The following ROBO2 variants were observed in gnomAD, a reference collection of about 807,000 sequenced individuals.
ROBO2 encodes roundabout guidance receptor 2, also known as roundabout homolog 2.
ROBO2 carries 53 observed loss-of-function variants against 160.8 expected under a neutral mutation model. The ratio of observed to expected loss-of-function variants is 0.33; its 90% CI spans 0.26 to 0.41. The LOEUF is 0.41. ROBO2 is among the 10% of genes least tolerant of loss of function. The pLI, the probability that ROBO2 is intolerant of heterozygous loss-of-function variation, is 1.00. For synonymous variants in ROBO2, 664 were observed against 611.7 expected, an observed-to-expected ratio of 1.09 and a Z score of -1.26; for missense variants, 1,577 against 1,722.4, an observed-to-expected ratio of 0.92 and a Z score of 1.49.
intron 2 of ROBO2, among the ~76,000 whole-genome samples, chr3:75,954,638 T>C (rs1173770391): frequency 6.6e-6 from 1 of 151,878 alleles, no homozygotes; most frequent in African/African-American, 2.4e-5. Flanking sequence ...CACAGTCTTA[T>C]AAGAAAAATA....
intron 2 of ROBO2, among the ~76,000 whole-genome samples, chr3:76,692,815 T>G (rs1442330722): frequency 6.6e-6 from 1 of 151,892 alleles, no homozygotes; most frequent in Non-Finnish European, 1.5e-5. Flanking sequence ...ATAATTCTCT[T>G]TGATAGAGAA....
At chr3:77,301,398 C>T (rs1048754333) in intron 2 of ROBO2, among the ~76,000 whole-genome samples, 1 of 152,018 alleles carries the variant, frequency 6.6e-6, no homozygotes. Flanking sequence ...ATTTATGAAA[C>T]AATGTACAGT....
intron 2 of ROBO2, among the ~76,000 whole-genome samples, chr3:77,029,576 G>T (rs2063184945): frequency 6.6e-6 from 1 of 152,166 alleles, no homozygotes; most frequent in African/African-American, 2.4e-5. Context: ...TTGCAAGAGA[G>T]ATTTTATAAT....
intron 6 of ROBO2, among the ~76,000 whole-genome samples, chr3:77,539,303 C>G (rs1348407495): frequency 6.6e-6 from 1 of 152,162 alleles, no homozygotes; most frequent in Non-Finnish European, 1.5e-5. Flanking sequence ...ATGTTGGCTA[C>G]TCATTTATAG....
chr3:76,087,319 G>C lies in ROBO2; in HGVS notation c.109+149717G>C, dbSNP rs571997063. On this transcript the variant is annotated intron_variant, in intron 2 of 26. Coordinates refer to the ROBO2 transcript ENST00000487694. ...AAGATCAAAGAAAAATATTATATCT[G>C]ACTTCCTTTCAGAAGCTATGCAAGC... is the stretch of plus-strand genomic sequence containing the variant. Among the ~76,000 whole-genome samples the C allele has an allele frequency of 4.7e-4, 72 of 152,078 alleles. 1 individual carries two copies. The highest frequency in any genetic ancestry group is 2.7e-3 in the Admixed American group (41 of 15,262).
Position 76,751,086 on chromosome 3 carries a change from A to G in ROBO2, c.110-346928A>G, listed in dbSNP as rs536688267. Among the ~76,000 whole-genome samples the G allele has an allele frequency of 3.9e-5, 6 of 152,286 alleles. No homozygotes were observed. In the East Asian group the frequency reaches 9.7e-4, roughly 25 times the overall value. On this transcript the variant is annotated intron_variant, in intron 2 of 26. Transcript: ENST00000487694. Reference sequence around the variant, plus strand: ...GTAACCAAAACAGCATGGTACTGGTACCAAAACAGAGATATAGACCAATGG... The same window carrying G: ...GTAACCAAAACAGCATGGTACTGGTGCCAAAACAGAGATATAGACCAATGG...
At chr3:77,226,899 G>C (rs1580177744) in intron 2 of ROBO2, among the ~76,000 whole-genome samples, 1 of 152,144 alleles carries the variant, frequency 6.6e-6, no homozygotes, top group Non-Finnish European at 1.5e-5. Flanking sequence ...TTGCACCATT[G>C]TGAAGTCAAA....
chr3:77,031,067 C>G (rs1323302463), intron 2 of ROBO2, among the ~76,000 whole-genome samples: 1 of 152,174 alleles, frequency 6.6e-6, no homozygotes, highest in Non-Finnish European at 1.5e-5. Context: ...CTTTCTCCCA[C>G]CCTTGAAGGT....
intron 2 of ROBO2, among the ~76,000 whole-genome samples, chr3:76,731,829 T>A (rs2093642000): frequency 6.6e-6 from 1 of 152,162 alleles, no homozygotes; most frequent in South Asian, 2.1e-4. Context: ...GGACTCTATT[T>A]TGAAAAGAGA....
At chr3:76,949,372 A>G (rs2078817001) in intron 2 of ROBO2, among the ~76,000 whole-genome samples, 1 of 152,146 alleles carries the variant, frequency 6.6e-6, no homozygotes, top group South Asian at 2.1e-4. Flanking sequence ...CAACAACTTT[A>G]GATTTATTTA....
Position 76,087,364 on chromosome 3 carries a change from A to T in ROBO2, c.109+149762A>T, listed in dbSNP as rs183689233. On this transcript the variant is annotated intron_variant, in intron 2 of 26. Coordinates refer to the ROBO2 transcript ENST00000487694. ...GCAAGCAAGAAGAGAATGGGTTTAA[A>T]TATTTAATTTCTTGATAGAAATAAA... 1.1e-4 allele frequency among the ~76,000 whole-genome samples: 16 copies of T among 152,250 alleles called. No homozygotes were observed. The East Asian group carries it at 2.9e-3, about 28-fold the overall frequency.
chr3:76,799,282 G>A (rs1439207282), intron 2 of ROBO2, among the ~76,000 whole-genome samples: 1 of 151,978 alleles, frequency 6.6e-6, no homozygotes, highest in Non-Finnish European at 1.5e-5. Context: ...CTGCTGAATG[G>A]GAAAAAATTG....
intron 1 of ROBO2, among the ~76,000 whole-genome samples, chr3:77,087,127 A>T (rs1320184997): frequency 2.0e-5 from 3 of 152,152 alleles, no homozygotes; most frequent in African/African-American, 7.2e-5. Flanking sequence ...ATAGAAACAG[A>T]AGGAAATATA....
rs550322751 is a variant in ROBO2 at position 75,984,212 on chromosome 3, T to C, written c.109+46610T>C. Among the ~76,000 whole-genome samples, 3 of 151,668 alleles carry C rather than the reference T, an allele frequency of 2.0e-5. No individual in the cohort carries two copies. In the South Asian group the frequency reaches 6.2e-4, roughly 31 times the overall value. ...CAGTTCACTGTCAAGCAGCCACATA[T>C]GTACTAATTAAAAACACACTGCTTT... is the stretch of plus-strand genomic sequence containing the variant. On this transcript the variant is annotated intron_variant, in intron 2 of 26. Coordinates refer to the ROBO2 transcript ENST00000487694.
intron 3 of ROBO2, 40 bp downstream of exon 3, chr3:77,477,611 T>G: frequency 2.6e-6 from 4 of 1,559,268 alleles, no homozygotes; most frequent in Non-Finnish European, 3.5e-6. Context: ...AGATTGAATT[T>G]TCAGTCTCAA....
intron 2 of ROBO2, among the ~76,000 whole-genome samples, chr3:76,052,266 A>G (rs1474803201): frequency 6.6e-6 from 1 of 152,060 alleles, no homozygotes; most frequent in Non-Finnish European, 1.5e-5. Context: ...TAATGTAAAT[A>G]CTAACTTTAC....
At position 76,034,728 on chromosome 3, in the gene ROBO2, A is replaced by G. The variant is rs1214465319; in HGVS notation, c.109+97126A>G. Among the ~76,000 whole-genome samples, 3 of 152,088 alleles carry G rather than the reference A, an allele frequency of 2.0e-5. No homozygotes were observed. The East Asian group carries it at 5.8e-4, about 29-fold the overall frequency. On this transcript the variant is annotated intron_variant, in intron 2 of 26. Transcript: ENST00000487694. ...GCCATTATCTTGCTTTAAGCTCTTC[A>G]ATTTCTTCCAGTGGCTGGTAGAAAA... is the stretch of plus-strand genomic sequence containing the variant.
At chr3:76,363,626 C>T (rs2075650948) in intron 2 of ROBO2, among the ~76,000 whole-genome samples, 1 of 151,890 alleles carries the variant, frequency 6.6e-6, no homozygotes, top group African/African-American at 2.4e-5. Context: ...ATGCTTGGTG[C>T]ATATGCTTGT....
At chr3:76,360,716 C>T (rs1235847658) in intron 2 of ROBO2, among the ~76,000 whole-genome samples, 3 of 151,940 alleles carry the variant, frequency 2.0e-5, no homozygotes, top group East Asian at 1.9e-4. Flanking sequence ...AACGGGATAT[C>T]GTTAGATGTC....
Sources: allele counts gnomAD v4.1 joint callset (sites outside exome capture counted in the v4.1 genomes callset), GRCh38; gene constraint gnomAD v4.1.1; transcripts MANE v1.5; gene names NCBI Gene and HGNC (gene_info 2026-07-23, HGNC 2026-07-21).